Variants in DGKK observed in about 807,000 individuals in gnomAD.
The protein encoded by DGKK is 142 kDa diacylglycerol kinase.
In DGKK, 35 loss-of-function variants were observed where a neutral mutation model predicts 92.2. That is an observed-to-expected ratio of 0.38 (90% CI 0.29 to 0.50). DGKK has a LOEUF of 0.50. Ranked by LOEUF, DGKK falls within the 20% of genes least tolerant of loss-of-function variation. The probability of loss-of-function intolerance (pLI) is 0.92; values close to 1 mark genes in which losing one functional copy is unlikely to be tolerated. For missense variants in DGKK, 910 were observed against 992.2 expected (o/e 0.92, Z 1.11); for synonymous variants, 368 against 360.6 (o/e 1.02, Z -0.23).
intron 1 of DGKK, among the ~76,000 whole-genome samples, chrX:50,447,395 T>A (rs12850016): frequency 0.033 from 522 of 16,058 alleles, 11 homozygotes; most frequent in African/African-American, 0.039. Context: ...TATATATATA[T>A]TATATATATA....
intron 1 of DGKK, among the ~76,000 whole-genome samples, chrX:50,426,034 T>C (rs1925730433): frequency 8.9e-6 from 1 of 112,039 alleles, no homozygotes; most frequent in African/African-American, 3.2e-5. Context: ...TTTACTCCTT[T>C]CTGCTAAAGA....
chrX:50,378,671 G>A lies in DGKK; in HGVS notation c.2883C>T (p.Ile961=), dbSNP rs781824281. The A allele has an allele frequency of 8.3e-6, 10 of 1,202,727 alleles. No individual in the cohort carries two copies. The African/African-American group carries it at 8.8e-5, about 11-fold the overall frequency. The part of the protein sequence containing the change: ...TATTEYEAPA[I]DDGKLEVVAI... ...CCACCACCTCCAGTTTCCCATCATC[G>A]ATTGCAGGAGCCTCATATTCCTGAG... Residue 961 remains isoleucine (I), a synonymous_variant, in exon 21 of 28, where the codon ATC becomes ATT. Transcript: ENST00000611977.
At chrX:50,432,515 C>T (rs1557230401) in intron 1 of DGKK, among the ~76,000 whole-genome samples, 1 of 112,180 alleles carries the variant, frequency 8.9e-6, no homozygotes, top group East Asian at 2.8e-4. Flanking sequence ...GATGTTGATA[C>T]ATATTAAGTG....
chrX:50,446,120 T>C (rs1168639878), intron 1 of DGKK, among the ~76,000 whole-genome samples: 1 of 111,347 alleles, frequency 9.0e-6, no homozygotes, highest in Non-Finnish European at 1.9e-5. Context: ...GTGGTTTTTC[T>C]AGATTGATTT....
In DGKK at chrX:50,470,563, G is replaced by C. The variant is rs782206353; in HGVS notation, c.116C>G (p.Pro39Arg). 104 of 1,204,419 alleles carry C rather than the reference G, an allele frequency of 8.6e-5. No individual in the cohort carries two copies. Among genetic ancestry groups the C allele is most frequent in the Non-Finnish European group, 1.1e-4 (97 of 893,562 alleles). ...PWPPPPPPPA[P>R]PPAPPLLSEA... ...GGAGAGCAGCGGCGGAGCCGGCGGC[G>C]GAGCCGGTGGTGGTGGCGGCGGCGG... The change falls in exon 1 of 28, where the codon CCG (proline) becomes CGG (arginine). Residue 39 changes from proline to arginine, a missense_variant. Physicochemically the swap from Pro to Arg is moderately radical, Grantham distance 103. Coordinates refer to ENST00000611977, the MANE Select transcript of DGKK (RefSeq NM_001013742.4).
chrX:50,441,060 C>T (rs186024691), intron 1 of DGKK, among the ~76,000 whole-genome samples: 22 of 111,584 alleles, frequency 2.0e-4, no homozygotes, highest in African/African-American at 7.1e-4. Context: ...TTCTCCAGGT[C>T]TTTCTCACCT....
rs782605278 is a variant in DGKK, at chrX:50,403,614, A to C, written c.1079-17T>G. On this transcript the variant is annotated splice_polypyrimidine_tract_variant and intron_variant, in intron 5 of 27. Coordinates refer to ENST00000611977, the MANE Select transcript of DGKK (RefSeq NM_001013742.4). ...CTTTGCACACTGTGAGAAGAGGAAG[A>C]GAAAAGATGGGTGTGAATCTGGTGA... is the stretch of plus-strand genomic sequence containing the variant. 7.8e-6 allele frequency: 9 copies of C among 1,148,464 alleles called. No homozygotes were observed. Among genetic ancestry groups the C allele is most frequent in the Admixed American group, 2.2e-5 (1 of 45,687 alleles). 94.6% of individuals were successfully genotyped at this position (1,148,464 alleles called of 1,213,427 possible).
chrX:50,419,416 A>G (rs1369484767), intron 4 of DGKK, among the ~76,000 whole-genome samples: 4 of 111,846 alleles, frequency 3.6e-5, no homozygotes, highest in Non-Finnish European at 7.5e-5. Flanking sequence ...CATTATCACC[A>G]AGCCACTTCA....
intron 5 of DGKK, 63 bp downstream of exon 5, chrX:50,403,986 T>C: frequency 8.5e-7 from 1 of 1,170,132 alleles, no homozygotes; most frequent in African/African-American, 1.8e-5. Flanking sequence ...TAAAGCCACA[T>C]GAGTTCCTTC....
At chrX:50,403,263 C>A in intron 6 of DGKK, 80 bp from the exon 7 acceptor site, 1 of 1,093,414 alleles carries the variant, frequency 9.1e-7, no homozygotes, top group African/African-American at 1.8e-5. Context: ...AATTGTACTA[C>A]TCCATGGAGG....
chrX:50,379,794 T>G (rs1557224250), intron 19 of DGKK, 60 bp from the exon 20 acceptor site: 1 of 1,021,443 alleles, frequency 9.8e-7, no homozygotes, highest in Non-Finnish European at 1.4e-6. Flanking sequence ...GAAGGAACAT[T>G]TACAGAGATG....
At chrX:50,375,522 C>T (rs782568983) in intron 24 of DGKK, among the ~76,000 whole-genome samples, 1 of 111,648 alleles carries the variant, frequency 9.0e-6, no homozygotes, top group Non-Finnish European at 1.9e-5. Context: ...TATCTTTCGC[C>T]TAGCACTAAA....
intron 1 of DGKK, among the ~76,000 whole-genome samples, chrX:50,431,685 A>T (rs1569544868): frequency 9.0e-6 from 1 of 111,272 alleles, no homozygotes; most frequent in Non-Finnish European, 1.9e-5. Flanking sequence ...GCTGTTTCCT[A>T]ACACTCGCTT....
intron 26 of DGKK, 141 bp downstream of exon 26, chrX:50,371,583 G>A (rs1924127639): frequency 4.6e-6 from 2 of 438,722 alleles, no homozygotes; most frequent in Admixed American, 4.1e-5. Flanking sequence ...TGGGCAGGGA[G>A]GAAGCTCCAG....
In DGKK at chrX:50,423,028, C is replaced by T. The variant is rs782084012; in HGVS notation, c.757-502G>A. ...AGGAAATCAGTATCATGGATACAGG[C>T]AAGGCCGGTTTCACCAGTATACAAA... On this transcript the variant is annotated intron_variant, in intron 2 of 27. Transcript: ENST00000611977. Among the ~76,000 whole-genome samples, 4 of 112,310 alleles carry T rather than the reference C, an allele frequency of 3.6e-5. No homozygotes were observed. In the South Asian group the frequency reaches 1.1e-3, roughly 32 times the overall value.
intron 8 of DGKK, among the ~76,000 whole-genome samples, chrX:50,394,964 G>T (rs1247399301): frequency 9.1e-6 from 1 of 110,231 alleles, no homozygotes; most frequent in Non-Finnish European, 1.9e-5. Context: ...CCTGAAAAGG[G>T]AGACTGTCTG....
intron 11 of DGKK, among the ~76,000 whole-genome samples, 195 bp from the exon 12 acceptor site, chrX:50,390,604 G>A (rs1335629711): frequency 1.8e-5 from 2 of 111,379 alleles, no homozygotes; most frequent in Admixed American, 9.5e-5. Flanking sequence ...GACTTCTGTA[G>A]GCCAGTGTGA....
At chrX:50,400,473 T>C (rs1395926850) in intron 8 of DGKK, among the ~76,000 whole-genome samples, 1 of 112,296 alleles carries the variant, frequency 8.9e-6, no homozygotes, top group African/African-American at 3.2e-5. Flanking sequence ...AATTGTTAAT[T>C]GTTGTATTAT....
chrX:50,420,460 T>C lies in DGKK; in HGVS notation c.885A>G (p.Lys295=), dbSNP rs1925553038. The change falls in exon 4 of 28, where the codon AAA becomes AAG. Residue 295 remains lysine (K), a synonymous_variant. Coordinates refer to ENST00000611977, the MANE Select transcript of DGKK (RefSeq NM_001013742.4). Reference sequence around the variant, plus strand: ...TGATGTTAATCCATTCTTCCATGTCTTTCCGGTTGGGTGCAGCCAGAGTGA... The same window carrying C: ...TGATGTTAATCCATTCTTCCATGTCCTTCCGGTTGGGTGCAGCCAGAGTGA... ...RKITLAAPNR[K]DMEEWINIIK... is the part of the protein sequence containing the mutation. 5 of 1,211,070 alleles carry C rather than the reference T, an allele frequency of 4.1e-6. No homozygotes were observed. Among genetic ancestry groups the C allele is most frequent in the Middle Eastern group, 2.3e-4 (1 of 4,348 alleles).
Sources: gnomAD v4.1 joint callset for allele counts (sites outside exome capture counted in the v4.1 genomes callset) on GRCh38, gnomAD v4.1.1 for gene constraint, MANE v1.5 for transcripts, NCBI Gene and HGNC (gene_info 2026-07-23, HGNC 2026-07-21) for gene names.